The following APP variants were observed in gnomAD, a reference collection of about 807,000 sequenced individuals.
APP encodes the protein amyloid beta precursor protein.
APP carries 31 observed loss-of-function variants against 101.4 expected under a neutral mutation model. The ratio of observed to expected loss-of-function variants is 0.31; its 90% CI spans 0.23 to 0.41. APP has a LOEUF of 0.41. Ranked by LOEUF, APP falls within the 10% of genes least tolerant of loss-of-function variation. The pLI is 1.00. For missense variants in APP, 839 were observed against 1,003.7 expected (o/e 0.84, Z 2.22); for synonymous variants, 366 against 364.4 (o/e 1.00, Z -0.05).
chr21:25,914,325 G>T lies in APP; in HGVS notation c.1688-2363C>A, dbSNP rs73352827. Among the ~76,000 whole-genome samples, 985 of 151,864 alleles carry T rather than the reference G, an allele frequency of 6.5e-3. 12 individuals are homozygous for T. Among genetic ancestry groups the T allele is most frequent in the African/African-American group, 0.022 (920 of 41,386 alleles). On this transcript the variant is annotated intron_variant, in intron 13 of 17. Transcript: ENST00000346798. ...GATAGTCTCCTCACTGCTTGCTATG[G>T]TCTGAATGTCCCCCAAAGTCATGTG...
At position 25,880,800 on chromosome 21, in the gene APP, C is replaced by G. The variant is rs2036936578; in HGVS notation, c.*870G>C. On this transcript the variant is annotated 3_prime_UTR_variant, in exon 18 of 18. Coordinates refer to ENST00000346798, the MANE Select transcript of APP (RefSeq NM_000484.4). ...GTCATCCTTCAAAGAAAAGTCTTGCCCGGGGTTATTTTATTTAATTTATTT... is the reference window on the plus strand; with the variant it reads ...GTCATCCTTCAAAGAAAAGTCTTGCGCGGGGTTATTTTATTTAATTTATTT... 1 of 152,132 alleles carries G rather than the reference C, an allele frequency of 6.6e-6. No individual in the cohort carries two copies. The highest frequency in any genetic ancestry group is 1.5e-5 in the Non-Finnish European group (1 of 68,008). The allele number at this position is 152,132 out of a possible 1,614,324, so 9.4% of individuals were successfully genotyped here.
chr21:25,908,352 A>G (rs974812021), intron 14 of APP, among the ~76,000 whole-genome samples: 2 of 152,222 alleles, frequency 1.3e-5, no homozygotes, highest in African/African-American at 4.8e-5. Flanking sequence ...CCTCCTCTGG[A>G]TTTCACTGAT....
chr21:26,125,713 C>T (rs916931950), intron 1 of APP, among the ~76,000 whole-genome samples: 1 of 152,194 alleles, frequency 6.6e-6, no homozygotes, highest in Non-Finnish European at 1.5e-5. Context: ...ATCACTACCT[C>T]CCTGATTTAT....
At chr21:26,151,157 A>C (rs1312707901) in intron 1 of APP, among the ~76,000 whole-genome samples, 1 of 152,194 alleles carries the variant, frequency 6.6e-6, no homozygotes, top group Non-Finnish European at 1.5e-5. Context: ...TGACAGAATT[A>C]ATGTTTTTGA....
At chr21:26,036,517 C>A (rs2045116827) in intron 5 of APP, among the ~76,000 whole-genome samples, 1 of 152,170 alleles carries the variant, frequency 6.6e-6, no homozygotes, top group East Asian at 1.9e-4. Context: ...TGGTATTCTG[C>A]TGGGCAGGTA....
chr21:26,089,840 C>T, intron 3 of APP, 103 bp downstream of exon 3: 2 of 1,549,854 alleles, frequency 1.3e-6, no homozygotes, highest in Non-Finnish European at 1.8e-6. Flanking sequence ...TGGCAATGTG[C>T]TGAAGAACAA....
chr21:26,042,061 T>C (rs1374049101), intron 5 of APP, among the ~76,000 whole-genome samples: 1 of 152,162 alleles, frequency 6.6e-6, no homozygotes, highest in Non-Finnish European at 1.5e-5. Context: ...ACTCATCCAC[T>C]GGCAAAGATT....
At chr21:26,017,613 A>G (rs963175097) in intron 6 of APP, among the ~76,000 whole-genome samples, 91 of 140,852 alleles carry the variant, frequency 6.5e-4, no homozygotes, top group African/African-American at 2.4e-3. Context: ...AATAAATGGA[A>G]CATAAGGAAG....
chr21:26,074,259 G>A (rs1425924202), intron 3 of APP, among the ~76,000 whole-genome samples: 1 of 152,074 alleles, frequency 6.6e-6, no homozygotes, highest in Non-Finnish European at 1.5e-5. Context: ...TAAGAGGGGA[G>A]TACCTACATC....
At chr21:25,907,038 G>A (rs1418314345) in intron 14 of APP, among the ~76,000 whole-genome samples, 1 of 152,110 alleles carries the variant, frequency 6.6e-6, no homozygotes, top group African/African-American at 2.4e-5. Flanking sequence ...CTTCAGTTGT[G>A]TCACAAAGTA....
At chr21:25,987,668 C>A (rs1021852444) in intron 8 of APP, among the ~76,000 whole-genome samples, 3 of 152,202 alleles carry the variant, frequency 2.0e-5, no homozygotes, top group African/African-American at 7.2e-5. Flanking sequence ...TTTTGGATGA[C>A]TAACGCCTTC....
chr21:26,039,001 T>C (rs1375999450), intron 5 of APP, among the ~76,000 whole-genome samples: 1 of 152,214 alleles, frequency 6.6e-6, no homozygotes, highest in Non-Finnish European at 1.5e-5. Flanking sequence ...TTGAAGATAT[T>C]TTTGAAGCAA....
At chr21:26,066,788 T>C (rs1393761450) in intron 3 of APP, among the ~76,000 whole-genome samples, 1 of 152,138 alleles carries the variant, frequency 6.6e-6, no homozygotes, top group Non-Finnish European at 1.5e-5. Flanking sequence ...TTTGTTTAAT[T>C]ATAGAAGTTA....
At chr21:25,897,168 C>T (rs1190500532) in intron 16 of APP, among the ~76,000 whole-genome samples, 1 of 151,824 alleles carries the variant, frequency 6.6e-6, no homozygotes, top group African/African-American at 2.4e-5. Context: ...GCTCTGTCGC[C>T]TAGGCACGAT....
chr21:26,076,731 C>T (rs753463037), intron 3 of APP, among the ~76,000 whole-genome samples: 3 of 152,298 alleles, frequency 2.0e-5, no homozygotes, highest in South Asian at 2.1e-4. Context: ...AAAGTTAGGA[C>T]GCCTTTAACA....
intron 6 of APP, among the ~76,000 whole-genome samples, chr21:26,001,123 G>A (rs181446340): frequency 3.1e-4 from 47 of 152,150 alleles, no homozygotes; most frequent in Admixed American, 1.2e-3. Flanking sequence ...ACAATAAAAC[G>A]CAGTCAATCA....
chr21:26,107,407 G>A (rs1026421735), intron 2 of APP, among the ~76,000 whole-genome samples: 2 of 152,108 alleles, frequency 1.3e-5, no homozygotes, highest in African/African-American at 4.8e-5. Context: ...TAAAATATTT[G>A]ACATGTGTTC....
At chr21:26,078,915 T>C (rs917881915) in intron 3 of APP, among the ~76,000 whole-genome samples, 1 of 152,066 alleles carries the variant, frequency 6.6e-6, no homozygotes, top group African/African-American at 2.4e-5. Flanking sequence ...TGGTGGCACA[T>C]GCCTGTAATC....
At chr21:26,058,510 G>A (rs2046131836) in intron 3 of APP, among the ~76,000 whole-genome samples, 1 of 152,200 alleles carries the variant, frequency 6.6e-6, no homozygotes. Flanking sequence ...ATTTCTTTAT[G>A]TTGTCTTTTC....
Sources: allele counts gnomAD v4.1 joint callset (sites outside exome capture counted in the v4.1 genomes callset), GRCh38; gene constraint gnomAD v4.1.1; transcripts MANE v1.5; gene names NCBI Gene and HGNC (gene_info 2026-07-23, HGNC 2026-07-21).